PCDH11X: variants seen among roughly 807,000 people sequenced by gnomAD.
The protein encoded by PCDH11X is protocadherin 11 X-linked, also known as protocadherin-11 X-linked.
A neutral mutation model predicts 53.3 loss-of-function variants in PCDH11X; 18 were observed. The observed-to-expected ratio is 0.34, with a 90% CI of 0.23 to 0.50. The LOEUF is 0.50. Among genes scored for constraint, PCDH11X ranks in the 20% least tolerant of loss-of-function variants. The probability of loss-of-function intolerance (pLI) is 0.98; values close to 1 mark genes in which losing one functional copy is unlikely to be tolerated. For missense variants in PCDH11X, 570 were observed against 1,032.4 expected, an observed-to-expected ratio of 0.55 and a Z score of 6.14; for synonymous variants, 279 against 393.3, an observed-to-expected ratio of 0.71 and a Z score of 3.44.
In PCDH11X at chrX:92,321,223, C is replaced by T. The variant is rs1176008405; in HGVS notation, c.3144+58080C>T. On this transcript the variant is annotated intron_variant, in intron 8 of 10. Transcript: ENST00000682573. ...TTTTTTTTTTTTTGAGATGGAGTCT[C>T]GCTCTGTCGCCCAGGCTGGAGTGCA... 4.3e-5 allele frequency among the ~76,000 whole-genome samples: 4 copies of T among 93,511 alleles called. No individual in the cohort carries two copies. In the East Asian group the frequency reaches 1.1e-3, roughly 26 times the overall value. 81.2% of individuals were successfully genotyped at this position (93,511 alleles called of 115,157 possible).
At chrX:92,456,571 A>G (rs1308568723) in intron 9 of PCDH11X, among the ~76,000 whole-genome samples, 3 of 111,416 alleles carry the variant, frequency 2.7e-5, no homozygotes, top group Non-Finnish European at 5.7e-5. Context: ...ATTACCTTAA[A>G]TCTGTATCTT....
chrX:92,402,469 G>A lies in PCDH11X; in HGVS notation c.3343+14536G>A, dbSNP rs761968596. 1.1e-4 allele frequency among the ~76,000 whole-genome samples: 12 copies of A among 111,302 alleles called. No individual in the cohort carries two copies. The South Asian group carries it at 3.4e-3, about 32-fold the overall frequency. ...CCAGTGGAACCGAATAGAGAGCCTA[G>A]AAGTAAGGCCACACACATACAATCA... On this transcript the variant is annotated intron_variant, in intron 9 of 10. Coordinates refer to ENST00000682573, the MANE Select transcript of PCDH11X (RefSeq NM_032968.5).
chrX:92,108,382 G>A lies in PCDH11X; in HGVS notation c.3034-92993G>A, dbSNP rs12839641. 2.7e-5 allele frequency among the ~76,000 whole-genome samples: 3 copies of A among 111,848 alleles called. No homozygotes were observed. The Admixed American group carries it at 2.8e-4, about 11-fold the overall frequency. ...GCAAGACACTGTACTTCAAATCAGC[G>A]TGCATCCATTTTGAATATTAAGTAA... On this transcript the variant is annotated intron_variant, in intron 6 of 10. Coordinates refer to ENST00000682573, the MANE Select transcript of PCDH11X (RefSeq NM_032968.5).
intron 6 of PCDH11X, among the ~76,000 whole-genome samples, chrX:92,131,051 A>G (rs1231379741): frequency 9.0e-6 from 1 of 111,392 alleles, no homozygotes; most frequent in African/African-American, 3.3e-5. Flanking sequence ...TACAAAACAC[A>G]TTACCACTTA....
chrX:92,249,111 G>GTA (rs1410682365), intron 7 of PCDH11X, among the ~76,000 whole-genome samples: 4 of 109,208 alleles, frequency 3.7e-5, no homozygotes, highest in Admixed American at 9.9e-5. Flanking sequence ...ATATATGTAT[G>GTA]TATATATATA....
chrX:92,618,115 A>C (rs1289457902), intron 10 of PCDH11X, 149 bp from the exon 11 acceptor site: 1 of 761,488 alleles, frequency 1.3e-6, no homozygotes, highest in Non-Finnish European at 1.8e-6. Context: ...ATTACTGACA[A>C]ATTAAAAATA....
intron 6 of PCDH11X, among the ~76,000 whole-genome samples, chrX:92,004,527 TA>T (rs1194312253): frequency 2.7e-5 from 3 of 110,793 alleles, no homozygotes. Flanking sequence ...TCCCTCTCTT[TA>T]GCTCTAATAA....
intron 10 of PCDH11X, among the ~76,000 whole-genome samples, chrX:92,516,148 A>G (rs1284480583): frequency 9.0e-6 from 1 of 111,215 alleles, no homozygotes; most frequent in Non-Finnish European, 1.9e-5. Context: ...AATTCTGCCT[A>G]TTGAATTGAG....
At chrX:92,585,600 G>C (rs903788114) in intron 10 of PCDH11X, among the ~76,000 whole-genome samples, 1 of 109,197 alleles carries the variant, frequency 9.2e-6, no homozygotes. Context: ...TCGATCTCCT[G>C]ACCTCATGAT....
intron 5 of PCDH11X, among the ~76,000 whole-genome samples, chrX:91,838,971 ATATT>A (rs35423829): frequency 8.8e-6 from 1 of 113,239 alleles, no homozygotes; most frequent in Non-Finnish European, 1.9e-5. Context: ...TTGGTGGAAA[ATATT>A]TATTAAATGT....
intron 8 of PCDH11X, among the ~76,000 whole-genome samples, chrX:92,324,492 G>T (rs2069284650): frequency 9.0e-6 from 1 of 111,402 alleles, no homozygotes; most frequent in Admixed American, 9.6e-5. Context: ...AGATAACTTG[G>T]TGACATCCTT....
chrX:92,382,673 G>C (rs1306911582), intron 8 of PCDH11X, among the ~76,000 whole-genome samples: 1 of 111,737 alleles, frequency 8.9e-6, no homozygotes, highest in Non-Finnish European at 1.9e-5. Context: ...AAAATGAGGT[G>C]TGTGGATTTT....
intron 8 of PCDH11X, among the ~76,000 whole-genome samples, chrX:92,369,279 C>G (rs752363726): frequency 2.7e-5 from 3 of 109,591 alleles, no homozygotes; most frequent in Non-Finnish European, 5.7e-5. Flanking sequence ...GGTGAATTTG[C>G]CCAGTCCACA....
chrX:92,335,539 G>C (rs2069596373), intron 8 of PCDH11X, among the ~76,000 whole-genome samples: 1 of 109,785 alleles, frequency 9.1e-6, no homozygotes, highest in Admixed American at 9.8e-5. Context: ...CCAATCCATT[G>C]TTGGACTAGT....
At chrX:92,112,349 A>G (rs966667636) in intron 6 of PCDH11X, among the ~76,000 whole-genome samples, 1 of 106,191 alleles carries the variant, frequency 9.4e-6, no homozygotes, top group Non-Finnish European at 1.9e-5. Context: ...AAAAAAAAAA[A>G]GTATAGTCAT....
intron 7 of PCDH11X, among the ~76,000 whole-genome samples, chrX:92,237,929 T>C (rs1359812115): frequency 8.9e-6 from 1 of 112,050 alleles, no homozygotes; most frequent in Non-Finnish European, 1.9e-5. Context: ...TACCTACTAA[T>C]GGCATTAATC....
chrX:92,037,548 A>G (rs1157015161), intron 6 of PCDH11X, among the ~76,000 whole-genome samples: 1 of 111,094 alleles, frequency 9.0e-6, no homozygotes, highest in African/African-American at 3.3e-5. Context: ...TAGTAAAATG[A>G]TTTATATTCC....
chrX:92,081,946 A>C (rs2063863990), intron 6 of PCDH11X, among the ~76,000 whole-genome samples: 1 of 111,217 alleles, frequency 9.0e-6, no homozygotes, highest in Non-Finnish European at 1.9e-5. Flanking sequence ...TAAAGTACCC[A>C]ATGGGCTGAG....
In PCDH11X at chrX:91,936,283, T is replaced by C. The variant is rs910887227; in HGVS notation, c.3033+57010T>C. Among the ~76,000 whole-genome samples the C allele has an allele frequency of 4.6e-5, 5 of 109,843 alleles. No individual in the cohort carries two copies. In the Admixed American group the frequency reaches 4.9e-4, roughly 11 times the overall value. ...CTATTGGGGCAATATTTATCCTTAG[T>C]ACCCCTCAATTAATGGTGCATAAAG... On this transcript the variant is annotated intron_variant, in intron 6 of 10. Coordinates refer to ENST00000682573, the MANE Select transcript of PCDH11X (RefSeq NM_032968.5).
Sources: allele counts gnomAD v4.1 joint callset (sites outside exome capture counted in the v4.1 genomes callset), GRCh38; gene constraint gnomAD v4.1.1; transcripts MANE v1.5; gene names NCBI Gene and HGNC (gene_info 2026-07-23, HGNC 2026-07-21).